Variants in ABCB1 observed in about 807,000 individuals in gnomAD.
ABCB1 encodes ATP-dependent translocase ABCB1.
A neutral mutation model predicts 142.0 loss-of-function variants in ABCB1; 69 were observed. The ratio of observed to expected loss-of-function variants is 0.49; its 90% CI spans 0.40 to 0.59. The LOEUF (loss-of-function observed/expected upper bound fraction) is 0.59. Ranked by LOEUF, ABCB1 falls within the 20% of genes least tolerant of loss-of-function variation. The pLI is 0.00. For synonymous variants in ABCB1, 532 were observed against 539.2 expected, an observed-to-expected ratio of 0.99 and a Z score of 0.18; for missense variants, 1,326 against 1,554.7, an observed-to-expected ratio of 0.85 and a Z score of 2.47.
rs144841883 is a variant in ABCB1, at chr7:87,581,866, G to C, written c.286+3646C>G. 5.2e-3 allele frequency among the ~76,000 whole-genome samples: 790 copies of C among 152,264 alleles called. 4 individuals carry two copies. The highest frequency in any genetic ancestry group is 0.017 in the African/African-American group (724 of 41,548). The stretch of plus-strand genomic sequence containing the variant: ...GTCCACCCCCATGGAGAGATAATGA[G>C]GTTCTGCCTAGGGAAGGGCAAAAAG... On this transcript the variant is annotated intron_variant, in intron 4 of 27. Coordinates refer to ENST00000622132, the MANE Select transcript of ABCB1 (RefSeq NM_001348946.2).
chr7:87,547,866 A>AC (rs1816854767), intron 14 of ABCB1, among the ~76,000 whole-genome samples: 1 of 148,844 alleles, frequency 6.7e-6, no homozygotes, highest in South Asian at 2.1e-4. Flanking sequence ...AAAAAAAAAA[A>AC]AAAAAACCTT....
chr7:87,684,140 C>T (rs1753452178), intron 1 of ABCB1, among the ~76,000 whole-genome samples: 1 of 152,126 alleles, frequency 6.6e-6, no homozygotes, highest in Admixed American at 6.5e-5. Context: ...AAGAAAACTT[C>T]CTTAAAGGGC....
At chr7:87,681,916 T>C (rs1385888717) in intron 1 of ABCB1, among the ~76,000 whole-genome samples, 2 of 152,220 alleles carry the variant, frequency 1.3e-5, no homozygotes, top group African/African-American at 4.8e-5. Flanking sequence ...CTCTCTAGCA[T>C]GCAATGTTAT....
At chr7:87,665,643 T>A (rs1825151906) in intron 1 of ABCB1, among the ~76,000 whole-genome samples, 1 of 152,100 alleles carries the variant, frequency 6.6e-6, no homozygotes, top group Non-Finnish European at 1.5e-5. Flanking sequence ...ATTACCCAGG[T>A]AATGAGCATA....
intron 1 of ABCB1, among the ~76,000 whole-genome samples, chr7:87,613,257 C>CTTTTTTT (rs67823385): frequency 0.023 from 1,465 of 64,004 alleles, no homozygotes; most frequent in Middle Eastern, 0.042. Context: ...TCCTTTATTT[C>CTTTTTTT]TTTTTTTTTT....
In ABCB1 at chr7:87,544,894, T is replaced by G. The variant is rs145840638; in HGVS notation, c.1993A>C (p.Lys665Gln). 3.4e-5 allele frequency: 55 copies of G among 1,614,052 alleles called. No individual in the cohort carries two copies. Among genetic ancestry groups the G allele is most frequent in the Non-Finnish European group, 4.2e-5 (50 of 1,180,026 alleles). The change falls in exon 16 of 28, where the codon AAA (lysine) becomes CAA (glutamine). Residue 665 changes from lysine (K) to glutamine (Q), a missense_variant. Transcript: ENST00000622132. ...CGGACACTCCTACGAGTTGATCTTT[T>G]TCTTATTAGACTGGATCTTGAATCA... is the stretch of plus-strand genomic sequence containing the variant. The part of the protein sequence containing the change: ...SNDSRSSLIR[K>Q]RSTRRSVRGS...
intron 21 of ABCB1, among the ~76,000 whole-genome samples, chr7:87,529,407 T>C (rs1815935370): frequency 6.6e-6 from 1 of 152,176 alleles, no homozygotes; most frequent in Admixed American, 6.5e-5. Flanking sequence ...TTGGTGCAGA[T>C]CCACTACTTT....
intron 7 of ABCB1, among the ~76,000 whole-genome samples, chr7:87,562,279 T>C (rs28381858): frequency 6.6e-6 from 1 of 152,342 alleles, no homozygotes; most frequent in Non-Finnish European, 1.5e-5. Context: ...GTGCTGCACG[T>C]ACCTAGCCTC....
At chr7:87,679,914 G>A (rs1826757676) in intron 1 of ABCB1, among the ~76,000 whole-genome samples, 1 of 150,556 alleles carries the variant, frequency 6.6e-6, no homozygotes, top group Admixed American at 6.6e-5. Context: ...GTTTGAAAAT[G>A]TAAAAATACA....
chr7:87,591,355 C>T (rs920353456), intron 3 of ABCB1, among the ~76,000 whole-genome samples: 1 of 152,126 alleles, frequency 6.6e-6, no homozygotes, highest in African/African-American at 2.4e-5. Context: ...TAAGTGAGTG[C>T]TATTTTCCTA....
intron 2 of ABCB1, among the ~76,000 whole-genome samples, chr7:87,599,175 TAC>T (rs1819338582): frequency 1.3e-5 from 2 of 152,220 alleles, no homozygotes; most frequent in African/African-American, 2.4e-5. Flanking sequence ...TAATTTACAT[TAC>T]AGTTTCTAAT....
At chr7:87,546,634 T>C (rs1449558376) in intron 14 of ABCB1, among the ~76,000 whole-genome samples, 1 of 152,084 alleles carries the variant, frequency 6.6e-6, no homozygotes, top group Non-Finnish European at 1.5e-5. Flanking sequence ...AGACCAGGCG[T>C]TGGCCAATCA....
chr7:87,640,955 G>A (rs7799907), intron 1 of ABCB1, among the ~76,000 whole-genome samples: 2,201 of 152,064 alleles, frequency 0.014, 57 homozygotes, highest in African/African-American at 0.05. Flanking sequence ...TCTCTTGAAT[G>A]TATTACTCAC....
intron 18 of ABCB1, among the ~76,000 whole-genome samples, chr7:87,539,887 A>C (rs1816456800): frequency 6.6e-6 from 1 of 152,232 alleles, no homozygotes; most frequent in Admixed American, 6.5e-5. Flanking sequence ...TCAACATTTA[A>C]GGGACCAGCT....
At chr7:87,578,076 C>T (rs919017061) in intron 4 of ABCB1, among the ~76,000 whole-genome samples, 38 of 152,042 alleles carry the variant, frequency 2.5e-4, no homozygotes, top group African/African-American at 8.5e-4. Context: ...GTCTTTAATC[C>T]ATATTGATTT....
At chr7:87,704,707 A>T (rs1829433827) in intron 1 of ABCB1, among the ~76,000 whole-genome samples, 1 of 152,248 alleles carries the variant, frequency 6.6e-6, no homozygotes, top group African/African-American at 2.4e-5. Context: ...TGTTTTGCTC[A>T]GGCCTCAAAC....
intron 26 of ABCB1, 69 bp downstream of exon 26, chr7:87,509,206 T>C: frequency 6.5e-7 from 1 of 1,532,582 alleles, no homozygotes; most frequent in African/African-American, 1.4e-5. Context: ...ACCAGCCCCT[T>C]ATAAATCAAA....
At chr7:87,605,095 C>T (rs961852680), upstream of ABCB1, among the ~76,000 whole-genome samples, 4 of 152,116 alleles carry the variant, frequency 2.6e-5, no homozygotes, top group African/African-American at 9.7e-5. Flanking sequence ...TTATCATTAG[C>T]GTGCCTTCAA....
upstream of ABCB1, among the ~76,000 whole-genome samples, chr7:87,604,316 A>T (rs1027059166): frequency 6.6e-6 from 1 of 152,182 alleles, no homozygotes; most frequent in Non-Finnish European, 1.5e-5. Context: ...TAAAGAAGGA[A>T]TGCAACTCAC....
Sources: allele counts gnomAD v4.1 joint callset (sites outside exome capture counted in the v4.1 genomes callset), GRCh38; gene constraint gnomAD v4.1.1; transcripts MANE v1.5; gene names NCBI Gene and HGNC (gene_info 2026-07-23, HGNC 2026-07-21).